Variants in PLOD3 observed in about 807,000 individuals in gnomAD.
The protein encoded by PLOD3 is procollagen-lysine,2-oxoglutarate 5-dioxygenase 3.
A neutral mutation model predicts 96.9 loss-of-function variants in PLOD3; 73 were observed. The ratio of observed to expected loss-of-function variants is 0.75; its 90% CI spans 0.62 to 0.92. The LOEUF (loss-of-function observed/expected upper bound fraction) is 0.92, where lower values mean the gene tolerates loss of function less well. Ranked by LOEUF, PLOD3 falls within the 40% of genes least tolerant of loss-of-function variation. PLOD3 has a pLI of 0.00. For synonymous variants in PLOD3, 454 were observed against 413.7 expected, an observed-to-expected ratio of 1.10 and a Z score of -1.18; for missense variants, 1,004 against 1,004.3, an observed-to-expected ratio of 1.00 and a Z score of 0.00.
In PLOD3 at chr7:101,217,416, G is replaced by C; in HGVS notation, c.-142C>G. 3.7e-6 allele frequency: 3 copies of C among 819,352 alleles called. No individual in the cohort carries two copies. The highest frequency in any genetic ancestry group is 5.1e-6 in the Non-Finnish European group (3 of 584,110). 50.8% of individuals were successfully genotyped at this position (819,352 alleles called of 1,614,324 possible). ...CGGGGAGCAGCTTGGCTGGGGCTAC[G>C]CCCTGAAAAAAAGGCGTATCCGGAG... On this transcript the variant is annotated 5_prime_UTR_variant, in exon 1 of 19. Coordinates refer to ENST00000223127, the MANE Select transcript of PLOD3 (RefSeq NM_001084.5).
In PLOD3 at chr7:101,212,356, G is replaced by A. The variant is rs1164013477; in HGVS notation, c.1024C>T (p.His342Tyr). Residue 342 changes from histidine (H) to tyrosine (Y), a missense_variant, in exon 10 of 19, where the codon CAC (histidine) becomes TAC (tyrosine). Transcript: ENST00000223127. ...LHNNEVFHEP[H>Y]IADSWPQLQD... ...AGCTGCGGCCAGGAGTCAGCGATGT[G>A]GGGTTCATGGAAGACCTCCTGGGAG... 1 of 1,613,698 alleles carries A rather than the reference G, an allele frequency of 6.2e-7. No homozygotes were observed. The highest frequency in any genetic ancestry group is 8.5e-7 in the Non-Finnish European group (1 of 1,179,942).
chr7:101,216,631 C>T (rs1005219949), intron 2 of PLOD3, 64 bp downstream of exon 2: 2 of 1,607,506 alleles, frequency 1.2e-6, no homozygotes, highest in Admixed American at 1.7e-5. Context: ...GGGACCTGGG[C>T]ATCCAGACTT....
At position 101,211,632 on chromosome 7, in the gene PLOD3, G is replaced by A; in HGVS notation, c.1317C>T (p.Ala439=). 1 of 1,606,888 alleles carries A rather than the reference G, an allele frequency of 6.2e-7. No homozygotes were observed. Among genetic ancestry groups the A allele is most frequent in the Non-Finnish European group, 8.5e-7 (1 of 1,177,466 alleles). Residue 439 remains alanine, a synonymous_variant, in exon 12 of 19, where the codon GCC becomes GCT. Transcript: ENST00000223127. ...CCAGCTCCACGTAGTCCTCGGAGCG[G>A]GCGTAGTACTCATCGGGGCTCAGGG... ...WGALSPDEYY[A]RSEDYVELVQ... is the part of the protein sequence containing the mutation.
chr7:101,207,499 A>G, intron 17 of PLOD3, 79 bp downstream of exon 17: 1 of 1,473,546 alleles, frequency 6.8e-7, no homozygotes. Context: ...GCCGGGGCCG[A>G]AAGGGGTCTG....
chr7:101,212,145 G>T, intron 10 of PLOD3, 108 bp downstream of exon 10: 1 of 1,441,650 alleles, frequency 6.9e-7, no homozygotes, highest in African/African-American at 1.4e-5. Context: ...GGGAGGCCCA[G>T]GAGGGGCTGG....
At chr7:101,209,064 G>C in intron 15 of PLOD3, 107 bp from the exon 16 acceptor site, 1 of 852,290 alleles carries the variant, frequency 1.2e-6, no homozygotes, top group Non-Finnish European at 2.0e-6. Context: ...GGAAGGCTTT[G>C]TGAGAGCAGC....
chr7:101,210,272 T>A (rs910044110), intron 14 of PLOD3, 59 bp downstream of exon 14: 1 of 1,527,256 alleles, frequency 6.5e-7, no homozygotes, highest in African/African-American at 1.4e-5. Context: ...TCACGTTTGG[T>A]GTCTTCCTTA....
intron 18 of PLOD3, 67 bp from the exon 19 acceptor site, chr7:101,206,503 C>T (rs746334041): frequency 2.5e-5 from 37 of 1,454,748 alleles, no homozygotes; most frequent in Middle Eastern, 1.8e-4. Context: ...GGCAGATACA[C>T]GGGGCAGGGC....
chr7:101,209,000 G>C (rs1382215424), intron 15 of PLOD3, 43 bp from the exon 16 acceptor site: 2 of 1,363,472 alleles, frequency 1.5e-6, no homozygotes, highest in Admixed American at 3.4e-5. Context: ...TGACGCCGCA[G>C]AACGGGGAAG....
chr7:101,206,420 A>T lies in PLOD3; in HGVS notation c.2078T>A (p.Phe693Tyr). 6.2e-7 allele frequency: 1 copy of T among 1,609,850 alleles called. No individual in the cohort carries two copies. The highest frequency in any genetic ancestry group is 2.2e-5 in the East Asian group (1 of 44,738). The change falls in exon 19 of 19, where the codon TTC becomes TAC. Residue 693 changes from phenylalanine (F) to tyrosine (Y), a missense_variant. Physicochemically the swap from Phe to Tyr is conservative, Grantham distance 22 (BLOSUM62 3). Around this residue, in one of 5 missense-constraint regions of PLOD3, gnomAD observed 222 missense variants for 220.4 expected, o/e 1.01. Transcript: ENST00000223127. ...GGAGATCACACAGTCGTAGCGCAGGAAGCGGCAGCCACCTCCCTGGAAAGA... is the reference window on the plus strand; with the variant it reads ...GGAGATCACACAGTCGTAGCGCAGGTAGCGGCAGCCACCTCCCTGGAAAGA... ...GLDYEGGGCR[F>Y]LRYDCVISSP... is the part of the protein sequence containing the mutation.
chr7:101,206,978 T>C (rs1798096793), intron 17 of PLOD3, 74 bp from the exon 18 acceptor site: 2 of 1,495,700 alleles, frequency 1.3e-6, no homozygotes, highest in Admixed American at 2.0e-5. Flanking sequence ...ATTATTATTA[T>C]TCTTTTGAGA....
intron 6 of PLOD3, 176 bp from the exon 7 acceptor site, chr7:101,213,380 G>C (rs1798218106): frequency 1.5e-6 from 1 of 668,842 alleles, no homozygotes; most frequent in Admixed American, 2.1e-5. Flanking sequence ...TGCTGGCCCA[G>C]AGAGCTCCAC....
intron 2 of PLOD3, 29 bp from the exon 3 acceptor site, chr7:101,216,575 A>C (rs1798279147): frequency 1.9e-6 from 3 of 1,613,728 alleles, no homozygotes; most frequent in Non-Finnish European, 2.5e-6. Flanking sequence ...CGTGCCAGGC[A>C]AGGGGTGGGG....
At chr7:101,215,864 T>TGAG in intron 5 of PLOD3, 44 bp downstream of exon 5, 1 of 1,350,738 alleles carries the variant, frequency 7.4e-7, no homozygotes, top group Non-Finnish European at 1.1e-6. Flanking sequence ...AGGCCTCCAC[T>TGAG]CCCACAGAGC....
In PLOD3 at chr7:101,216,000, T is replaced by C. The variant is rs1170637756; in HGVS notation, c.523A>G (p.Thr175Ala). The change falls in exon 5 of 19, where the codon ACC becomes GCC. Residue 175 changes from threonine (T) to alanine (A), a missense_variant. Physicochemically the swap from Thr to Ala is moderately conservative, Grantham distance 58 (BLOSUM62 0). This residue lies in a region of PLOD3 where 690 missense variants were observed against 650.2 expected (regional missense o/e 1.06). Coordinates refer to ENST00000223127, the MANE Select transcript of PLOD3 (RefSeq NM_001084.5). The part of the protein sequence containing the change: ...NSGGFIGFAT[T>A]IHQIVRQWKY... ...CACTGGCGCACGATTTGGTGGATGG[T>C]GGTGGCAAAACCGATGAATCCTGGC... 6.2e-7 allele frequency: 1 copy of C among 1,614,088 alleles called. No homozygotes were observed. The highest frequency in any genetic ancestry group is 1.1e-5 in the South Asian group (1 of 91,080).
At chr7:101,217,103 C>T in intron 1 of PLOD3, 63 bp downstream of exon 1, 1 of 1,429,626 alleles carries the variant, frequency 7.0e-7, no homozygotes. Context: ...CCTCTCCGGG[C>T]CAGGCTGGCA....
Position 101,211,600 on chromosome 7 carries a change from C to T in PLOD3, c.1349G>A (p.Arg450Gln), listed in dbSNP as rs373909940. Residue 450 changes from arginine to glutamine, a missense_variant, in exon 12 of 19, where the codon CGG (arginine) becomes CAG (glutamine). Coordinates refer to ENST00000223127, the MANE Select transcript of PLOD3 (RefSeq NM_001084.5). ...GGCTGGCGGGACTCACACTCGCTTC[C>T]GCTGCACCAGCTCCACGTAGTCCTC... Reference protein sequence around the residue: ...RSEDYVELVQRKRVGVWNVPY... With the variant: ...RSEDYVELVQQKRVGVWNVPY... 28 of 1,601,102 alleles carry T rather than the reference C, an allele frequency of 1.7e-5. No homozygotes were observed. Among genetic ancestry groups the T allele is most frequent in the African/African-American group, 4.0e-5 (3 of 74,972 alleles).
chr7:101,212,743 C>A, intron 8 of PLOD3, 88 bp from the exon 9 acceptor site: 1 of 1,587,410 alleles, frequency 6.3e-7, no homozygotes, highest in East Asian at 2.2e-5. Context: ...GGTGCAGGGA[C>A]CCAGGAGCGA....
At chr7:101,206,678 A>G in intron 18 of PLOD3, 101 bp downstream of exon 18, 1 of 1,349,918 alleles carries the variant, frequency 7.4e-7, no homozygotes, top group African/African-American at 1.5e-5. Context: ...GTCACTGGGA[A>G]ATGGGCAGGG....
Sources: allele counts gnomAD v4.1 joint callset, GRCh38; gene constraint gnomAD v4.1.1; regional missense constraint gnomAD v4.1.1; transcripts MANE v1.5; gene names NCBI Gene and HGNC (gene_info 2026-07-23, HGNC 2026-07-21).